UPP2: variants seen among roughly 807,000 people sequenced by gnomAD.
The protein encoded by UPP2 is uridine phosphorylase 2, also known as UPase 2.
In UPP2, 23 loss-of-function variants were observed where a neutral mutation model predicts 26.7. The ratio of observed to expected loss-of-function variants is 0.86; its 90% CI spans 0.62 to 1.22. The LOEUF (loss-of-function observed/expected upper bound fraction) is 1.22. UPP2 is among the 50% of genes most tolerant of loss of function. The pLI is 0.00. For synonymous variants in UPP2, 127 were observed against 141.3 expected (o/e 0.90, Z 0.72); for missense variants, 387 against 396.7 (o/e 0.98, Z 0.21).
At chr2:158,122,071 G>A (rs898155802) in intron 5 of UPP2, among the ~76,000 whole-genome samples, 1 of 151,862 alleles carries the variant, frequency 6.6e-6, no homozygotes, top group African/African-American at 2.4e-5. Context: ...CTCAGAGCGG[G>A]GTTTTTATCT....
chr2:158,095,557 C>T (rs1574287470), intron 3 of UPP2, among the ~76,000 whole-genome samples: 1 of 152,158 alleles, frequency 6.6e-6, no homozygotes, highest in Non-Finnish European at 1.5e-5. Flanking sequence ...TTTGTGGCTG[C>T]ACAGATCTAG....
At chr2:158,103,031 A>C (rs1683107417) in intron 1 of UPP2, among the ~76,000 whole-genome samples, 2 of 152,252 alleles carry the variant, frequency 1.3e-5, no homozygotes, top group Non-Finnish European at 2.9e-5. Flanking sequence ...GAAAAGGAAG[A>C]AGAGTTTGAA....
At chr2:158,068,795 TATATATA>T (rs1442477700) in intron 3 of UPP2, among the ~76,000 whole-genome samples, 11 of 17,452 alleles carry the variant, frequency 6.3e-4, no homozygotes, top group African/African-American at 2.4e-3. Context: ...TATATATATA[TATATATA>T]TTTTTTTTTT....
In UPP2 at chr2:158,104,942, G is replaced by A. The variant is rs551963329; in HGVS notation, c.63-1157G>A. ...AAAGGGAAGGGAAGGGAAGGGAAGG[G>A]AAGGGAAGGGAAGGGAAGGGAAGGG... is the stretch of plus-strand genomic sequence containing the variant. On this transcript the variant is annotated intron_variant, in intron 1 of 6. Coordinates refer to ENST00000005756, the MANE Select transcript of UPP2 (RefSeq NM_173355.4). Among the ~76,000 whole-genome samples, 5 of 52,226 alleles carry A rather than the reference G, an allele frequency of 9.6e-5. No homozygotes were observed. The South Asian group carries it at 5.5e-3, about 57-fold the overall frequency. 34.3% of individuals were successfully genotyped at this position (52,226 alleles called of 152,430 possible).
chr2:158,052,330 A>AATGAAGCT (rs1261048150), intron 3 of UPP2, among the ~76,000 whole-genome samples: 1 of 152,236 alleles, frequency 6.6e-6, no homozygotes, highest in African/African-American at 2.4e-5. Flanking sequence ...TATTCTATCA[A>AATGAAGCT]ATGAAGCTGT....
chr2:158,098,424 G>A (rs937876364), upstream of UPP2, among the ~76,000 whole-genome samples: 3 of 152,132 alleles, frequency 2.0e-5, no homozygotes, highest in African/African-American at 7.2e-5. Flanking sequence ...AGATGGTGAG[G>A]GGGAGGGCCA....
Position 158,042,224 on chromosome 2 carries a change from C to A in UPP2, c.147+26338C>A, listed in dbSNP as rs184068124. Among the ~76,000 whole-genome samples, 11 of 152,276 alleles carry A rather than the reference C, an allele frequency of 7.2e-5. No individual in the cohort carries two copies. In the East Asian group the frequency reaches 2.1e-3, roughly 29 times the overall value. Reference sequence around the variant, plus strand: ...TCTCACCCCTTCCCTGCTACTCTGACTGATTTAGGCCTGTACAGTTTTTTC... The same window carrying A: ...TCTCACCCCTTCCCTGCTACTCTGAATGATTTAGGCCTGTACAGTTTTTTC... On this transcript the variant is annotated intron_variant, in intron 3 of 9. Coordinates refer to the UPP2 transcript ENST00000605860.
intron 3 of UPP2, among the ~76,000 whole-genome samples, chr2:158,073,331 T>TA (rs1682574873): frequency 6.6e-6 from 1 of 152,016 alleles, no homozygotes; most frequent in South Asian, 2.1e-4. Context: ...GAAGCATCCC[T>TA]ACAAGATCTA....
At chr2:158,042,188 AG>A (rs1315659923) in intron 3 of UPP2, among the ~76,000 whole-genome samples, 2 of 152,154 alleles carry the variant, frequency 1.3e-5, no homozygotes, top group African/African-American at 2.4e-5. Context: ...TTAAATCCTG[AG>A]TGTGGAGCAT....
rs186478827 is a variant in UPP2 at position 158,108,693 on chromosome 2, T to A, written c.180+2477T>A. Among the ~76,000 whole-genome samples, 157 of 152,248 alleles carry A rather than the reference T, an allele frequency of 1.0e-3. 4 individuals are homozygous for A. The South Asian group carries it at 0.023, about 23-fold the overall frequency. ...AGACCTTCACGTCTGCCTGTCCAGATTTTGTTCAGCACTTATTCTCACACA... is the reference window on the plus strand; with the variant it reads ...AGACCTTCACGTCTGCCTGTCCAGAATTTGTTCAGCACTTATTCTCACACA... On this transcript the variant is annotated intron_variant, in intron 2 of 6. Transcript: ENST00000005756.
intron 3 of UPP2, among the ~76,000 whole-genome samples, chr2:158,074,318 G>A (rs1487573402): frequency 6.6e-6 from 1 of 152,186 alleles, no homozygotes; most frequent in Non-Finnish European, 1.5e-5. Flanking sequence ...TTCTTAAGTA[G>A]AAAGACTAAA....
chr2:158,026,438 C>G (rs569703393), intron 3 of UPP2, among the ~76,000 whole-genome samples: 1 of 152,270 alleles, frequency 6.6e-6, no homozygotes, highest in Admixed American at 6.5e-5. Flanking sequence ...AATTGGATGA[C>G]AGCATATACA....
chr2:158,012,989 G>A (rs929304175), intron 2 of UPP2, among the ~76,000 whole-genome samples: 3 of 151,806 alleles, frequency 2.0e-5, no homozygotes, highest in South Asian at 2.1e-4. Context: ...AGATTGTTTC[G>A]AATTTAAGCT....
chr2:158,080,850 C>T (rs746856941), intron 3 of UPP2, among the ~76,000 whole-genome samples: 5 of 152,162 alleles, frequency 3.3e-5, no homozygotes, highest in African/African-American at 4.8e-5. Context: ...GATCCCCTGA[C>T]CTTCTCTCAC....
At position 158,124,030 on chromosome 2, in the gene UPP2, A is replaced by G. The variant is rs190752591; in HGVS notation, c.811+135A>G. On this transcript the variant is annotated intron_variant, in intron 6 of 6. Coordinates refer to ENST00000005756, the MANE Select transcript of UPP2 (RefSeq NM_173355.4). ...CATGACTTATAATTGTATATAATAT[A>G]CATTATCTCATAATATCTTGTGAGT... The G allele has an allele frequency of 9.1e-4, 821 of 904,548 alleles. 1 individual carries two copies. The highest frequency in any genetic ancestry group is 2.2e-3 in the Middle Eastern group (6 of 2,710). 56.0% of individuals were successfully genotyped at this position (904,548 alleles called of 1,614,324 possible).
intron 2 of UPP2, among the ~76,000 whole-genome samples, chr2:157,999,571 C>A (rs1036900656): frequency 1.3e-5 from 2 of 152,104 alleles, no homozygotes; most frequent in South Asian, 2.1e-4. Context: ...TAGTTATAAA[C>A]CTGTTTTAAT....
At chr2:158,024,999 C>G (rs1398877673) in intron 3 of UPP2, among the ~76,000 whole-genome samples, 3 of 151,926 alleles carry the variant, frequency 2.0e-5, no homozygotes, top group African/African-American at 7.3e-5. Context: ...GTCAGGAGTT[C>G]AAGACCAGCC....
At chr2:158,031,089 T>G (rs931327567) in intron 3 of UPP2, among the ~76,000 whole-genome samples, 13 of 152,312 alleles carry the variant, frequency 8.5e-5, no homozygotes, top group Admixed American at 2.6e-4. Context: ...CAGCAAAATA[T>G]TAAAATTAAA....
intron 2 of UPP2, among the ~76,000 whole-genome samples, chr2:157,998,195 C>T (rs1683351575): frequency 6.6e-6 from 1 of 151,976 alleles, no homozygotes; most frequent in African/African-American, 2.4e-5. Flanking sequence ...ATGGGGATGC[C>T]ATGCCAGAGC....
Sources: gnomAD v4.1 joint callset for allele counts (sites outside exome capture counted in the v4.1 genomes callset) on GRCh38, gnomAD v4.1.1 for gene constraint, MANE v1.5 for transcripts, NCBI Gene and HGNC (gene_info 2026-07-23, HGNC 2026-07-21) for gene names.